IQCJ: variants seen among roughly 807,000 people sequenced by gnomAD.
IQCJ encodes IQ domain-containing protein J.
IQCJ carries 9 observed loss-of-function variants against 11.0 expected under a neutral mutation model. The observed-to-expected ratio is 0.82, with a 90% CI of 0.49 to 1.43. The LOEUF (loss-of-function observed/expected upper bound fraction) is 1.43. IQCJ is among the 40% of genes most tolerant of loss of function. IQCJ has a pLI of 0.00. For synonymous variants in IQCJ, 55 were observed against 51.3 expected, an observed-to-expected ratio of 1.07 and a Z score of -0.31; for missense variants, 146 against 133.2, an observed-to-expected ratio of 1.10 and a Z score of -0.47.
At chr3:159,083,965 G>C (rs1716512749) in intron 1 of IQCJ, among the ~76,000 whole-genome samples, 1 of 152,010 alleles carries the variant, frequency 6.6e-6, no homozygotes, top group Non-Finnish European at 1.5e-5. Context: ...CCTTGTGATG[G>C]AACTGTTCTG....
chr3:159,080,301 C>T (rs539192216), intron 1 of IQCJ, among the ~76,000 whole-genome samples: 1 of 152,084 alleles, frequency 6.6e-6, no homozygotes, highest in East Asian at 1.9e-4. Context: ...TTAATTCCAC[C>T]CACATACCCT....
chr3:159,105,975 C>T (rs1718230534), intron 1 of IQCJ, among the ~76,000 whole-genome samples: 1 of 152,100 alleles, frequency 6.6e-6, no homozygotes, highest in South Asian at 2.1e-4. Flanking sequence ...GGAGAGTGAC[C>T]AATTAGGAGA....
intron 1 of IQCJ, among the ~76,000 whole-genome samples, chr3:159,195,477 C>T (rs1326847865): frequency 1.1e-4 from 17 of 152,164 alleles, no homozygotes; most frequent in Admixed American, 6.5e-4. Context: ...GACTGGGCCT[C>T]TTCTGTAAGC....
intron 1 of IQCJ, among the ~76,000 whole-genome samples, chr3:159,072,678 T>C (rs1446421092): frequency 6.6e-6 from 1 of 152,150 alleles, no homozygotes; most frequent in Non-Finnish European, 1.5e-5. Context: ...GGGCCAGCTA[T>C]GGGCCAGGCA....
At chr3:159,179,937 A>G (rs916005856) in intron 1 of IQCJ, among the ~76,000 whole-genome samples, 4 of 151,060 alleles carry the variant, frequency 2.6e-5, no homozygotes. Flanking sequence ...GCTCTGAGAA[A>G]AGACTAAGCA....
At chr3:159,168,474 T>C (rs547484834) in intron 1 of IQCJ, among the ~76,000 whole-genome samples, 1 of 152,186 alleles carries the variant, frequency 6.6e-6, no homozygotes, top group Non-Finnish European at 1.5e-5. Flanking sequence ...TCAAATATAA[T>C]TGTGGTTCCT....
chr3:159,234,331 A>T (rs1415693414), intron 1 of IQCJ, among the ~76,000 whole-genome samples: 2 of 152,252 alleles, frequency 1.3e-5, no homozygotes, highest in African/African-American at 4.8e-5. Flanking sequence ...AAGAAATGAC[A>T]TAGAATTAGT....
At chr3:159,243,122 G>A (rs1727036949) in intron 1 of IQCJ, among the ~76,000 whole-genome samples, 1 of 152,154 alleles carries the variant, frequency 6.6e-6, no homozygotes, top group Admixed American at 6.5e-5. Flanking sequence ...ACAGCAGCTA[G>A]ACTTCTCTTA....
intron 1 of IQCJ, among the ~76,000 whole-genome samples, chr3:159,105,460 A>G (rs931937299): frequency 1.3e-5 from 2 of 152,122 alleles, no homozygotes; most frequent in Non-Finnish European, 2.9e-5. Flanking sequence ...TCAGGACACA[A>G]TGGTAGGGGT....
At chr3:159,165,369 A>T (rs1445547379) in intron 1 of IQCJ, among the ~76,000 whole-genome samples, 1 of 152,170 alleles carries the variant, frequency 6.6e-6, no homozygotes, top group Non-Finnish European at 1.5e-5. Context: ...CAAATGCTCA[A>T]CTCAGGGACT....
At chr3:159,145,444 G>T (rs1419913859) in intron 1 of IQCJ, among the ~76,000 whole-genome samples, 1 of 152,184 alleles carries the variant, frequency 6.6e-6, no homozygotes. Context: ...CACATAGACA[G>T]CTAACTGTAT....
At chr3:159,240,643 A>G (rs1161547595) in intron 1 of IQCJ, among the ~76,000 whole-genome samples, 1 of 152,190 alleles carries the variant, frequency 6.6e-6, no homozygotes, top group Non-Finnish European at 1.5e-5. Context: ...CTACCTCACC[A>G]CAACATACAT....
chr3:159,211,734 A>G (rs73166208), intron 1 of IQCJ, among the ~76,000 whole-genome samples: 1,970 of 152,276 alleles, frequency 0.013, 13 homozygotes, highest in Non-Finnish European at 0.022. Flanking sequence ...TGAGTAGTGT[A>G]GAAGAAAAGC....
At chr3:159,154,505 A>T (rs1721405192) in intron 1 of IQCJ, among the ~76,000 whole-genome samples, 1 of 151,886 alleles carries the variant, frequency 6.6e-6, no homozygotes, top group African/African-American at 2.4e-5. Context: ...TTTTTGGATG[A>T]AGAGACTTCT....
chr3:159,194,917 C>A (rs904895928), intron 1 of IQCJ, among the ~76,000 whole-genome samples: 1 of 151,868 alleles, frequency 6.6e-6, no homozygotes, highest in Non-Finnish European at 1.5e-5. Flanking sequence ...TTGAGACCAG[C>A]CTGGCCAACA....
intron 1 of IQCJ, among the ~76,000 whole-genome samples, chr3:159,157,262 A>G (rs1283633812): frequency 2.0e-5 from 3 of 152,198 alleles, no homozygotes; most frequent in Non-Finnish European, 2.9e-5. Flanking sequence ...TCTCCTCACA[A>G]GTAATTGCAA....
intron 1 of IQCJ, among the ~76,000 whole-genome samples, chr3:159,215,955 CATTAT>C (rs1560028760): frequency 6.6e-6 from 1 of 151,888 alleles, no homozygotes; most frequent in Non-Finnish European, 1.5e-5. Context: ...GAACTACTTA[CATTAT>C]ATTAGGAAAT....
At chr3:159,209,981 A>G (rs532615610) in intron 1 of IQCJ, among the ~76,000 whole-genome samples, 8 of 152,228 alleles carry the variant, frequency 5.3e-5, no homozygotes, top group Non-Finnish European at 8.8e-5. Context: ...ATGTTATTAC[A>G]GAAGCTAACT....
At chr3:159,264,692 G>A (rs897813983), downstream of IQCJ, among the ~76,000 whole-genome samples, 13 of 151,996 alleles carry the variant, frequency 8.6e-5, no homozygotes, top group Admixed American at 7.2e-4. Context: ...TGGGCAGATC[G>A]CTTGAGGTCA....
Sources: gnomAD v4.1 joint callset for allele counts (sites outside exome capture counted in the v4.1 genomes callset) on GRCh38, gnomAD v4.1.1 for gene constraint, MANE v1.5 for transcripts, NCBI Gene and HGNC (gene_info 2026-07-23, HGNC 2026-07-21) for gene names.